Variants in DGKB observed in about 807,000 individuals in gnomAD.
DGKB encodes the protein diacylglycerol kinase beta.
In DGKB, 67 loss-of-function variants were observed where a neutral mutation model predicts 114.3. That is an observed-to-expected ratio of 0.59 (90% CI 0.48 to 0.72). The LOEUF (loss-of-function observed/expected upper bound fraction) is 0.72. Ranked by LOEUF, DGKB falls within the 30% of genes least tolerant of loss-of-function variation. The probability of loss-of-function intolerance (pLI) is 0.00; values close to 1 mark genes in which losing one functional copy is unlikely to be tolerated. For missense variants in DGKB, 907 were observed against 975.2 expected (o/e 0.93, Z 0.93); for synonymous variants, 398 against 323.1 (o/e 1.23, Z -2.49).
intron 6 of DGKB, among the ~76,000 whole-genome samples, chr7:14,705,113 G>C (rs1461184648): frequency 6.6e-6 from 1 of 150,814 alleles, no homozygotes; most frequent in East Asian, 2.0e-4. Flanking sequence ...CCAATACAGA[G>C]AAGTGCTTAA....
At chr7:14,655,002 C>A (rs892741266) in intron 13 of DGKB, among the ~76,000 whole-genome samples, 2 of 151,738 alleles carry the variant, frequency 1.3e-5, no homozygotes, top group African/African-American at 4.8e-5. Context: ...TACAAAGGCA[C>A]AGGTACCAAA....
chr7:14,805,653 T>C (rs1020026956), intron 2 of DGKB, among the ~76,000 whole-genome samples: 5 of 151,966 alleles, frequency 3.3e-5, no homozygotes, highest in Admixed American at 6.6e-5. Context: ...GAGAAGTCTA[T>C]CTTAATCTTT....
At chr7:14,630,831 T>C (rs1809539696) in intron 13 of DGKB, among the ~76,000 whole-genome samples, 4 of 151,956 alleles carry the variant, frequency 2.6e-5, no homozygotes, top group Admixed American at 2.6e-4. Context: ...TTAAATACAT[T>C]GACATTAGTC....
intron 1 of DGKB, among the ~76,000 whole-genome samples, chr7:14,892,175 G>T (rs1018263468): frequency 2.6e-5 from 4 of 151,336 alleles, no homozygotes; most frequent in Non-Finnish European, 5.9e-5. Flanking sequence ...AGAGAGCAAT[G>T]TTATCACTTA....
chr7:14,152,858 A>G (rs1782428034), intron 25 of DGKB, among the ~76,000 whole-genome samples: 1 of 152,118 alleles, frequency 6.6e-6, no homozygotes, highest in Admixed American at 6.6e-5. Context: ...ATAAAAAATA[A>G]CGTTGATCTG....
upstream of DGKB, among the ~76,000 whole-genome samples, chr7:14,906,447 C>CTTTTTTTTTTTTTTTTT (rs34250901): frequency 5.8e-5 from 6 of 103,884 alleles, no homozygotes; most frequent in Admixed American, 1.2e-4. Flanking sequence ...TTTTTTCTGT[C>CTTTTTTTTTTTTTTTTT]TTTTTTTTTT....
intron 2 of DGKB, among the ~76,000 whole-genome samples, chr7:14,800,328 G>T (rs1455649343): frequency 1.3e-5 from 2 of 152,220 alleles, no homozygotes; most frequent in African/African-American, 4.8e-5. Flanking sequence ...TCCTGGGTGT[G>T]TCTGTGAGGG....
chr7:14,304,087 A>ACACACACACACACACCCTCT (rs140836395), intron 23 of DGKB, among the ~76,000 whole-genome samples: 1 of 110,072 alleles, frequency 9.1e-6, no homozygotes, highest in Admixed American at 9.8e-5. Flanking sequence ...ACACACACAC[A>ACACACACACACACACCCTCT]CTCTCTCTCT....
At chr7:14,215,144 T>C (rs773779108) in intron 23 of DGKB, among the ~76,000 whole-genome samples, 5 of 152,136 alleles carry the variant, frequency 3.3e-5, no homozygotes, top group Non-Finnish European at 7.3e-5. Context: ...GAGAAAAGCA[T>C]GGACTCTTGC....
At chr7:14,681,322 T>C (rs1820788536) in intron 12 of DGKB, among the ~76,000 whole-genome samples, 2 of 152,110 alleles carry the variant, frequency 1.3e-5, no homozygotes, top group South Asian at 2.1e-4. Context: ...AACTAATAGC[T>C]GAAAATGATT....
At chr7:14,354,966 A>G (rs17168094) in intron 21 of DGKB, among the ~76,000 whole-genome samples, 1,717 of 152,284 alleles carry the variant, frequency 0.011, 32 homozygotes, top group African/African-American at 0.035. Flanking sequence ...ATGGATGATC[A>G]CATAATCAAG....
At chr7:14,887,367 T>G (rs1175164184) in intron 1 of DGKB, among the ~76,000 whole-genome samples, 1 of 151,164 alleles carries the variant, frequency 6.6e-6, no homozygotes, top group Non-Finnish European at 1.5e-5. Flanking sequence ...TGGCTTTCTC[T>G]TCCTGTTCCT....
At chr7:14,149,996 AGAG>A (rs1164291839) in intron 25 of DGKB, among the ~76,000 whole-genome samples, 1 of 152,170 alleles carries the variant, frequency 6.6e-6, no homozygotes, top group Non-Finnish European at 1.5e-5. Flanking sequence ...ACTCTAAATT[AGAG>A]AAGACATTTT....
At chr7:14,902,362 G>T (rs1783230912) in intron 1 of DGKB, among the ~76,000 whole-genome samples, 1 of 152,138 alleles carries the variant, frequency 6.6e-6, no homozygotes, top group South Asian at 2.1e-4. Context: ...AATGGACAGG[G>T]CACTTTCTGC....
At chr7:14,661,848 A>G (rs1280880762) in intron 13 of DGKB, among the ~76,000 whole-genome samples, 6 of 152,180 alleles carry the variant, frequency 3.9e-5, no homozygotes, top group African/African-American at 1.2e-4. Context: ...AATGTGGCGC[A>G]TATACACCAT....
At chr7:14,750,681 C>G (rs1833970025) in intron 4 of DGKB, among the ~76,000 whole-genome samples, 1 of 152,066 alleles carries the variant, frequency 6.6e-6, no homozygotes, top group East Asian at 1.9e-4. Flanking sequence ...ATTTCTTTCA[C>G]CTATAAAACT....
Position 14,323,594 on chromosome 7 carries a change from G to A in DGKB, c.2122+14921C>T, listed in dbSNP as rs747840251. 4.7e-4 allele frequency among the ~76,000 whole-genome samples: 72 copies of A among 152,234 alleles called. No individual in the cohort carries two copies. The Middle Eastern group carries it at 0.01, about 22-fold the overall frequency. ...GAAAGAAGCAAGTGAGAAGCCATGC[G>A]AAGCCATGGAAAGTCATATTAAGAT... On this transcript the variant is annotated intron_variant, in intron 23 of 25. Coordinates refer to ENST00000402815, the MANE Select transcript of DGKB (RefSeq NM_001350709.2).
chr7:14,218,916 C>T (rs555199288), intron 23 of DGKB, among the ~76,000 whole-genome samples: 6 of 151,868 alleles, frequency 4.0e-5, no homozygotes, highest in African/African-American at 1.4e-4. Context: ...TTCTCCAATC[C>T]CCCACCTCTC....
rs539894332 is a variant in DGKB, at chr7:14,291,807, C to T, written c.2122+46708G>A. Among the ~76,000 whole-genome samples, 11 of 152,112 alleles carry T rather than the reference C, an allele frequency of 7.2e-5. No homozygotes were observed. In the South Asian group the frequency reaches 2.3e-3, roughly 32 times the overall value. ...CCATTATGAGTGAGATATCATGAAC[C>T]CTATGCGGCAAAGATCTTGTTGCCC... On this transcript the variant is annotated intron_variant, in intron 23 of 25. Coordinates refer to ENST00000402815, the MANE Select transcript of DGKB (RefSeq NM_001350709.2).
Sources: allele counts gnomAD v4.1 joint callset (sites outside exome capture counted in the v4.1 genomes callset), GRCh38; gene constraint gnomAD v4.1.1; transcripts MANE v1.5; gene names NCBI Gene and HGNC (gene_info 2026-07-23, HGNC 2026-07-21).